FILIP1: variants seen among roughly 807,000 people sequenced by gnomAD.
FILIP1 encodes filamin A interacting protein 1.
FILIP1 carries 61 observed loss-of-function variants against 102.1 expected under a neutral mutation model. The ratio of observed to expected loss-of-function variants is 0.60; its 90% CI spans 0.49 to 0.74. FILIP1 has a LOEUF of 0.74. FILIP1 is among the 30% of genes least tolerant of loss of function. FILIP1 has a pLI of 0.00. For missense variants in FILIP1, 1,314 were observed against 1,441.2 expected (o/e 0.91, Z 1.43); for synonymous variants, 491 against 526.9 (o/e 0.93, Z 0.93).
chr6:75,472,089 G>T (rs1407538596), intron 1 of FILIP1, among the ~76,000 whole-genome samples: 2 of 152,100 alleles, frequency 1.3e-5, no homozygotes, highest in Non-Finnish European at 2.9e-5. Context: ...TTAAACTGGT[G>T]AAATTAGTGA....
intron 1 of FILIP1, among the ~76,000 whole-genome samples, chr6:75,440,861 A>G (rs1409570949): frequency 6.6e-6 from 1 of 151,646 alleles, no homozygotes; most frequent in Non-Finnish European, 1.5e-5. Context: ...AGGCAAGAGA[A>G]TCGCTTGAAC....
chr6:75,407,535 AT>A (rs1485858660), intron 2 of FILIP1, among the ~76,000 whole-genome samples: 1 of 152,148 alleles, frequency 6.6e-6, no homozygotes. Context: ...CTTATAAATT[AT>A]TTTTGAAGTA....
chr6:75,456,865 C>T (rs1778853588), intron 1 of FILIP1, among the ~76,000 whole-genome samples: 1 of 152,100 alleles, frequency 6.6e-6, no homozygotes, highest in Non-Finnish European at 1.5e-5. Context: ...CAAAAATATT[C>T]TTTCTTTATC....
chr6:75,428,369 A>G (rs1777702006), intron 1 of FILIP1: 1 of 153,474 alleles, frequency 6.5e-6, no homozygotes. Flanking sequence ...GTGGTGCTCA[A>G]GCTTCAGTGT....
At position 75,314,316 on chromosome 6, in the gene FILIP1, C is replaced by T. The variant is rs765740754; in HGVS notation, c.1516G>A (p.Val506Met). The T allele has an allele frequency of 8.5e-6, 13 of 1,524,250 alleles. No individual in the cohort carries two copies. Among genetic ancestry groups the T allele is most frequent in the South Asian group, 4.0e-5 (3 of 74,392 alleles). The allele number at this position is 1,524,250 out of a possible 1,614,324, so 94.4% of individuals were successfully genotyped here. A position where few individuals can be genotyped will look rare whatever the true frequency, so the allele number is the denominator to read the frequency against. ...TTTTTCCTTTCATCAACCAGCATCA[C>T]GGTAAATGACTTCAACTTGGTAAGA... ...DDLTKLKSFT[V>M]MLVDERKNMM... The change falls in exon 5 of 6, where the codon GTG (valine) becomes ATG (methionine). Residue 506 changes from valine to methionine, a missense_variant. By Grantham distance (21) the Val-to-Met change is conservative. Coordinates refer to ENST00000237172, the MANE Select transcript of FILIP1 (RefSeq NM_015687.5).
intron 2 of FILIP1, among the ~76,000 whole-genome samples, chr6:75,387,019 G>C (rs537246631): frequency 1.3e-5 from 2 of 151,126 alleles, no homozygotes; most frequent in Non-Finnish European, 3.0e-5. Context: ...TCCTCCCCTT[G>C]CCCCCCACCC....
chr6:75,421,994 T>G (rs777994149), intron 1 of FILIP1, among the ~76,000 whole-genome samples: 1 of 152,152 alleles, frequency 6.6e-6, no homozygotes, highest in African/African-American at 2.4e-5. Context: ...ACTTCCAGTA[T>G]CTATAACAGG....
In FILIP1 at chr6:75,329,184, T is replaced by C. The variant is rs1773979357; in HGVS notation, c.630-13982A>G. Among the ~76,000 whole-genome samples, 4 of 152,236 alleles carry C rather than the reference T, an allele frequency of 2.6e-5. 1 individual carries two copies. Among genetic ancestry groups the C allele is most frequent in the Admixed American group, 2.6e-4 (4 of 15,284 alleles). On this transcript the variant is annotated intron_variant, in intron 4 of 5. Transcript: ENST00000237172. ...TCCATTCTTGTGATAACCACCATCC[T>C]TGGAACACTTGTCAATCTGTGCTCC... is the stretch of plus-strand genomic sequence containing the variant.
At chr6:75,325,008 T>C (rs1773791574) in intron 4 of FILIP1, among the ~76,000 whole-genome samples, 2 of 152,200 alleles carry the variant, frequency 1.3e-5, no homozygotes, top group Non-Finnish European at 2.9e-5. Context: ...GGAAAAACTC[T>C]TCTAGACATT....
At chr6:75,448,100 C>A (rs1306205398) in intron 1 of FILIP1, among the ~76,000 whole-genome samples, 19 of 152,124 alleles carry the variant, frequency 1.2e-4, no homozygotes, top group Admixed American at 1.2e-3. Flanking sequence ...GCATGCCAGA[C>A]ACTAAATAAG....
intron 1 of FILIP1, among the ~76,000 whole-genome samples, chr6:75,480,191 C>A (rs1779609378): frequency 6.8e-6 from 1 of 147,298 alleles, no homozygotes; most frequent in South Asian, 2.2e-4. Flanking sequence ...TCATATTTTT[C>A]CAGTTATTTC....
chr6:75,378,491 A>C (rs13211248), intron 2 of FILIP1, among the ~76,000 whole-genome samples: 8,131 of 152,342 alleles, frequency 0.053, 298 homozygotes, highest in Non-Finnish European at 0.076. Flanking sequence ...TGGCCATGAA[A>C]GCACAGCAAG....
At chr6:75,493,043 T>C (rs1206758429) in intron 1 of FILIP1, among the ~76,000 whole-genome samples, 1 of 152,246 alleles carries the variant, frequency 6.6e-6, no homozygotes, top group East Asian at 1.9e-4. Flanking sequence ...AAATGAAAGT[T>C]ATTTTACTTC....
intron 4 of FILIP1, among the ~76,000 whole-genome samples, chr6:75,316,532 C>A (rs1457719916): frequency 6.6e-6 from 1 of 151,550 alleles, no homozygotes; most frequent in Non-Finnish European, 1.5e-5. Context: ...AGCTGGTGTA[C>A]AAGAAATATT....
At chr6:75,310,330 G>C (rs1260528543) in intron 5 of FILIP1, among the ~76,000 whole-genome samples, 1 of 152,194 alleles carries the variant, frequency 6.6e-6, no homozygotes, top group Non-Finnish European at 1.5e-5. Context: ...TTCCAAACCT[G>C]TCTATTCCAC....
At chr6:75,372,726 AAG>A (rs377741410) in intron 2 of FILIP1, among the ~76,000 whole-genome samples, 5,199 of 50,532 alleles carry the variant, frequency 0.1, 354 homozygotes, top group African/African-American at 0.13. Context: ...AAGAAAGAGA[AAG>A]AGAAAGAAAG....
rs143975433 is a variant in FILIP1 at position 75,424,308 on chromosome 6, A to G, written c.-6-9330T>C. The stretch of plus-strand genomic sequence containing the variant: ...GCATAGCATCCCCCAAGAAGTCTCA[A>G]ACAATAATAAATGATAAAGAATCCC... On this transcript the variant is annotated intron_variant, in intron 1 of 5. Transcript: ENST00000237172. Among the ~76,000 whole-genome samples, 6 of 152,336 alleles carry G rather than the reference A, an allele frequency of 3.9e-5. No individual in the cohort carries two copies. In the East Asian group the frequency reaches 7.7e-4, roughly 20 times the overall value.
chr6:75,479,100 C>G (rs1010221580), intron 1 of FILIP1, among the ~76,000 whole-genome samples: 2 of 152,072 alleles, frequency 1.3e-5, no homozygotes, highest in Non-Finnish European at 2.9e-5. Context: ...CTAACAAGGT[C>G]CCTCCTAGGA....
intron 3 of FILIP1, chr6:75,357,463 G>T (rs1179763459): frequency 2.0e-5 from 3 of 152,252 alleles, no homozygotes; most frequent in Non-Finnish European, 4.4e-5. Flanking sequence ...AGCCACTGGA[G>T]TAGGTGGCTG....
Sources: gnomAD v4.1 joint callset for allele counts (sites outside exome capture counted in the v4.1 genomes callset) on GRCh38, gnomAD v4.1.1 for gene constraint, MANE v1.5 for transcripts, NCBI Gene and HGNC (gene_info 2026-07-23, HGNC 2026-07-21) for gene names.